PFKFB3: variants seen among roughly 807,000 people sequenced by gnomAD.
The protein encoded by PFKFB3 is 6-phosphofructo-2-kinase/fructose-2,6-biphosphatase 3, also known as 6-phosphofructo-2-kinase/fructose-2,6-bisphosphatase 3.
Under a neutral mutation model 68.0 loss-of-function variants are expected in PFKFB3, and 33 were observed. That is an observed-to-expected ratio of 0.49 (90% CI 0.37 to 0.65). PFKFB3 has a LOEUF of 0.65. Among genes scored for constraint, PFKFB3 ranks in the 30% least tolerant of loss-of-function variants. The pLI is 0.00. For synonymous variants in PFKFB3, 315 were observed against 288.2 expected (o/e 1.09, Z -0.94); for missense variants, 586 against 712.2 (o/e 0.82, Z 2.02).
intron 13 of PFKFB3, chr10:6,224,453 A>G (rs1235212629): frequency 1.6e-6 from 1 of 644,402 alleles, no homozygotes; most frequent in Non-Finnish European, 2.8e-6. Context: ...TGAGCTCGAG[A>G]TATGAATATT....
chr10:6,294,669 A>C, the PFKFB3 span: 1 of 161,934 alleles, frequency 6.2e-6, no homozygotes, highest in African/African-American at 2.4e-5. Flanking sequence ...AATCTTTGAG[A>C]GATGGAGAGA....
chr10:6,173,380 T>G (rs967559999), intron 1 of PFKFB3, among the ~76,000 whole-genome samples: 2 of 152,192 alleles, frequency 1.3e-5, no homozygotes, highest in African/African-American at 4.8e-5. Context: ...TGTCCACTTG[T>G]GTGCAGCTTT....
At chr10:6,211,335 C>T (rs1844220992) in intron 1 of PFKFB3, among the ~76,000 whole-genome samples, 1 of 152,188 alleles carries the variant, frequency 6.6e-6, no homozygotes, top group African/African-American at 2.4e-5. Flanking sequence ...GGCGTGGTTC[C>T]GACAGAAATA....
chr10:6,313,677 T>G, the PFKFB3 span, among the ~76,000 whole-genome samples: 2 of 152,226 alleles, frequency 1.3e-5, no homozygotes, highest in Admixed American at 1.3e-4. This position sits in a 1 kb window ranked among gnomAD's most constrained non-coding sequence, Gnocchi z 4.2. Flanking sequence ...TGCCTCTAGA[T>G]GATGAGCTAA....
At chr10:6,276,679 A>T in the PFKFB3 span, among the ~76,000 whole-genome samples, 1 of 152,092 alleles carries the variant, frequency 6.6e-6, no homozygotes, top group African/African-American at 2.4e-5. Flanking sequence ...ATAATTATAG[A>T]TTCAAGGATG....
intron 14 of PFKFB3, chr10:6,254,114 T>C (rs1446888462): frequency 7.1e-5 from 24 of 337,392 alleles, no homozygotes; most frequent in African/African-American, 1.5e-4. Context: ...TTTTTTTTTT[T>C]TCTCTTTAGC....
intron 8 of PFKFB3, 103 bp from the exon 9 acceptor site, chr10:6,221,278 A>G: frequency 1.4e-6 from 2 of 1,403,758 alleles, no homozygotes; most frequent in Non-Finnish European, 9.7e-7. Flanking sequence ...CCCACGGTGT[A>G]ACCAGGTAGT....
At chr10:6,293,956 G>A in the PFKFB3 span, 10 of 501,534 alleles carry the variant, frequency 2.0e-5, no homozygotes, top group East Asian at 5.5e-5. Context: ...ATGGCTTCAC[G>A]AATTTTCCAT....
At chr10:6,155,740 G>A (rs888859589) in intron 1 of PFKFB3, among the ~76,000 whole-genome samples, 7 of 152,020 alleles carry the variant, frequency 4.6e-5, no homozygotes, top group South Asian at 2.1e-4. Flanking sequence ...TTTCAACCTC[G>A]ACAGTCAGGT....
At chr10:6,198,132 G>A (rs553294098), upstream of PFKFB3, among the ~76,000 whole-genome samples, 1 of 151,936 alleles carries the variant, frequency 6.6e-6, no homozygotes, top group South Asian at 2.1e-4. Flanking sequence ...TGTAATACCA[G>A]TTACTCAGGA....
chr10:6,159,211 A>G (rs112819551), intron 1 of PFKFB3, among the ~76,000 whole-genome samples: 63 of 152,184 alleles, frequency 4.1e-4, no homozygotes, highest in African/African-American at 1.5e-3. Flanking sequence ...CCTGCCCAAC[A>G]TGGTGAAACC....
intron 1 of PFKFB3, among the ~76,000 whole-genome samples, chr10:6,176,707 A>G (rs992005677): frequency 6.6e-5 from 10 of 152,142 alleles, no homozygotes; most frequent in Non-Finnish European, 1.3e-4. Context: ...TTTCCATAAT[A>G]TGTTTATTTG....
At chr10:6,189,001 A>G (rs117076487) in intron 1 of PFKFB3, among the ~76,000 whole-genome samples, 2,529 of 152,000 alleles carry the variant, frequency 0.017, 27 homozygotes, top group Middle Eastern at 0.037. Flanking sequence ...TGCCCGGCTA[A>G]TTTTTTAAAA....
intron 1 of PFKFB3, among the ~76,000 whole-genome samples, chr10:6,157,907 A>G (rs1388886278): frequency 6.6e-6 from 1 of 152,110 alleles, no homozygotes. Context: ...CTGAATAAGC[A>G]GGCAGTCCAT....
At chr10:6,169,580 C>A (rs762060355) in intron 1 of PFKFB3, among the ~76,000 whole-genome samples, 1 of 152,124 alleles carries the variant, frequency 6.6e-6, no homozygotes, top group African/African-American at 2.4e-5. Flanking sequence ...TGGGTATGAA[C>A]TTGCTGCGCT....
the PFKFB3 span, among the ~76,000 whole-genome samples, chr10:6,307,261 G>T: frequency 6.6e-6 from 1 of 151,820 alleles, no homozygotes; most frequent in African/African-American, 2.4e-5. Flanking sequence ...AGAATCCCAT[G>T]AGCCAGTTCA....
At chr10:6,200,692 G>A (rs527879941), upstream of PFKFB3, among the ~76,000 whole-genome samples, 1 of 123,076 alleles carries the variant, frequency 8.1e-6, no homozygotes, top group African/African-American at 2.9e-5. Context: ...GTGGTGGTGG[G>A]GCGGGGATTG....
intron 1 of PFKFB3, among the ~76,000 whole-genome samples, chr10:6,177,431 T>TTCTTTC (rs1166118918): frequency 2.0e-4 from 8 of 40,752 alleles, no homozygotes; most frequent in Non-Finnish European, 3.6e-4. Flanking sequence ...CTTCCTTTCT[T>TTCTTTC]TTCTTTCTCT....
the PFKFB3 span, among the ~76,000 whole-genome samples, chr10:6,324,550 C>T: frequency 6.6e-6 from 1 of 152,094 alleles, no homozygotes; most frequent in Non-Finnish European, 1.5e-5. Context: ...CCTCAGCCTC[C>T]TGAGTAGCTG....
Sources: gnomAD v4.1 joint callset for allele counts (sites outside exome capture counted in the v4.1 genomes callset) on GRCh38, gnomAD v4.1.1 for gene constraint, Gnocchi (gnomAD v3.1) non-coding constraint, MANE v1.5 for transcripts, NCBI Gene and HGNC (gene_info 2026-07-23, HGNC 2026-07-21) for gene names.